The following WDR11 variants were observed in gnomAD, a reference collection of about 807,000 sequenced individuals.
WDR11 encodes WD repeat-containing protein 11.
Under a neutral mutation model 151.2 loss-of-function variants are expected in WDR11, and 83 were observed. That is an observed-to-expected ratio of 0.55 (90% CI 0.46 to 0.66). The LOEUF is 0.66. WDR11 is among the 30% of genes least tolerant of loss of function. The pLI, the probability that WDR11 is intolerant of heterozygous loss-of-function variation, is 0.00. For synonymous variants in WDR11, 484 were observed against 533.1 expected (o/e 0.91, Z 1.27); for missense variants, 1,301 against 1,480.9 (o/e 0.88, Z 1.99).
chr10:120,868,738 C>T (rs1311953924), intron 9 of WDR11: 1 of 152,202 alleles, frequency 6.6e-6, no homozygotes, highest in Non-Finnish European at 1.5e-5. Flanking sequence ...GCCTCCAGTC[C>T]TGACAGCTCC....
At chr10:120,901,585 A>C (rs1847817888) in intron 21 of WDR11, among the ~76,000 whole-genome samples, 1 of 151,862 alleles carries the variant, frequency 6.6e-6, no homozygotes, top group African/African-American at 2.4e-5. Flanking sequence ...TAAGAAAGGA[A>C]AAAATATGGG....
At chr10:120,871,432 T>G (rs1846537225) in intron 10 of WDR11, 86 bp downstream of exon 10, 11 of 1,387,496 alleles carry the variant, frequency 7.9e-6, no homozygotes, top group African/African-American at 1.5e-5. Flanking sequence ...CTTTATTCTT[T>G]TTGAGGATGC....
chr10:120,904,009 T>C lies in WDR11; in HGVS notation c.2932-38T>C, dbSNP rs538046414. On this transcript the variant is annotated intron_variant, in intron 23 of 28. Transcript: ENST00000263461. ...AAATTTAAATAATTCCAAACTCTTA[T>C]AATCCAGGCTTAATTTTTCTTTTTT... 9 of 1,366,856 alleles carry C rather than the reference T, an allele frequency of 6.6e-6. No individual in the cohort carries two copies. The African/African-American group carries it at 7.2e-5, about 11-fold the overall frequency. The allele number at this position is 1,366,856 out of a possible 1,614,324, so 84.7% of individuals were successfully genotyped here. A position where few individuals can be genotyped will look rare whatever the true frequency, so the allele number is the denominator to read the frequency against.
At chr10:120,855,670 G>T (rs1029711676) in intron 2 of WDR11, among the ~76,000 whole-genome samples, 1 of 151,976 alleles carries the variant, frequency 6.6e-6, no homozygotes, top group Non-Finnish European at 1.5e-5. Context: ...TATATATGAT[G>T]TGAAATAGGG....
rs762823128 is a variant in WDR11 at position 120,873,864 on chromosome 10, G to A, written c.1497G>A (p.Val499=). The A allele has an allele frequency of 3.5e-5, 56 of 1,613,166 alleles. No individual in the cohort carries two copies. The highest frequency in any genetic ancestry group is 1.0e-4 in the Admixed American group (6 of 59,998). ...GTACAAGTAATGGTTCTGTCCTGGT[G>A]TACCATCTCACCAGTGGTCTGCTAC... ...AVGTSNGSVL[V]YHLTSGLLHK... is the part of the protein sequence containing the mutation. Residue 499 remains valine (V), a synonymous_variant, in exon 11 of 29, where the codon GTG becomes GTA. Coordinates refer to ENST00000263461, the MANE Select transcript of WDR11 (RefSeq NM_018117.12).
rs1847180394 is a variant in WDR11, at chr10:120,885,296, C to CAA, written c.1849-517_1849-516insAA. ...GTATATATATATATATACACACACA[C>CAA]ACACACACACACACATATAAACACA... On this transcript the variant is annotated intron_variant, in intron 14 of 28. Transcript: ENST00000263461. 2.6e-5 allele frequency among the ~76,000 whole-genome samples: 4 copies of CAA among 151,992 alleles called. No homozygotes were observed. In the South Asian group the frequency reaches 8.3e-4, roughly 32 times the overall value.
At chr10:120,878,763 C>G (rs1266082646) in intron 12 of WDR11, among the ~76,000 whole-genome samples, 1 of 151,972 alleles carries the variant, frequency 6.6e-6, no homozygotes, top group African/African-American at 2.4e-5. Flanking sequence ...TTTAAAAGAT[C>G]GATTTAAAAA....
Position 120,862,790 on chromosome 10 carries a change from C to T in WDR11, c.582C>T (p.Pro194=). Residue 194 remains proline, a synonymous_variant, in exon 5 of 29, where the codon CCC becomes CCT. Coordinates refer to ENST00000263461, the MANE Select transcript of WDR11 (RefSeq NM_018117.12). ...FISDFSPSKP[P]SGPGKKVYIS... ...CAGACTTCTCCCCATCCAAGCCTCCCTCAGGCCCTGGGAAAAAAGTTTACA... is the reference window on the plus strand; with the variant it reads ...CAGACTTCTCCCCATCCAAGCCTCCTTCAGGCCCTGGGAAAAAAGTTTACA... The T allele has an allele frequency of 6.2e-7, 1 of 1,614,140 alleles. No homozygotes were observed. The highest frequency in any genetic ancestry group is 1.7e-5 in the Admixed American group (1 of 60,028).
Position 120,886,764 on chromosome 10 carries a change from T to C in WDR11, c.2049T>C (p.Asp683=). The C allele has an allele frequency of 1.9e-6, 3 of 1,614,076 alleles. No individual in the cohort carries two copies. Among genetic ancestry groups the C allele is most frequent in the Non-Finnish European group, 2.5e-6 (3 of 1,179,986 alleles). The change falls in exon 16 of 29, where the codon GAT becomes GAC. Residue 683 remains aspartate (D), a synonymous_variant. Transcript: ENST00000263461. ...CCCGGGAACATTTTGTATTTACCGA[T>C]ATTGATGGCCAAGTGTATCATCTCA... ...ISAREHFVFT[D]IDGQVYHLTV...
chr10:120,872,090 A>G (rs888993671), intron 10 of WDR11, among the ~76,000 whole-genome samples: 1 of 152,184 alleles, frequency 6.6e-6, no homozygotes, highest in South Asian at 2.1e-4. Flanking sequence ...TTTCTCCCCC[A>G]GTCTATTAAC....
At chr10:120,894,054 C>T (rs1847519069) in intron 19 of WDR11, among the ~76,000 whole-genome samples, 2 of 151,430 alleles carry the variant, frequency 1.3e-5, no homozygotes, top group Admixed American at 6.6e-5. Flanking sequence ...CTTTTGTTGC[C>T]ATTGCTTTTG....
chr10:120,892,389 T>C (rs1385065478), intron 19 of WDR11, among the ~76,000 whole-genome samples: 2 of 152,220 alleles, frequency 1.3e-5, no homozygotes, highest in Non-Finnish European at 2.9e-5. Flanking sequence ...CATGCAATTG[T>C]GTATTCATTC....
At chr10:120,908,418 T>C (rs1446976413) in intron 28 of WDR11, 138 bp from the exon 29 acceptor site, 10 of 869,076 alleles carry the variant, frequency 1.2e-5, no homozygotes, top group Non-Finnish European at 1.3e-5. Flanking sequence ...GTGTTCATCC[T>C]GTGCTGCCCG....
intron 2 of WDR11, chr10:120,856,250 A>C (rs1486229595): frequency 1.3e-5 from 2 of 152,132 alleles, no homozygotes; most frequent in African/African-American, 4.8e-5. Flanking sequence ...TTCTGGGTTT[A>C]TAATTTTTTT....
chr10:120,904,822 C>T lies in WDR11; in HGVS notation c.3193+11C>T. On this transcript the variant is annotated intron_variant, in intron 25 of 28. Coordinates refer to ENST00000263461, the MANE Select transcript of WDR11 (RefSeq NM_018117.12). ...ATGGCAAATTGGCAGGTAAGGCACA[C>T]TTGATATGTTTGTCATCTCTCTGAA... 1 of 1,614,130 alleles carries T rather than the reference C, an allele frequency of 6.2e-7. No individual in the cohort carries two copies. The highest frequency in any genetic ancestry group is 1.1e-5 in the South Asian group (1 of 91,084).
rs758304903 is a variant in WDR11 at position 120,883,899 on chromosome 10, A to T, written c.1848+11A>T. On this transcript the variant is annotated intron_variant, in intron 14 of 28. Transcript: ENST00000263461. Reference sequence around the variant, plus strand: ...ACAATAACTGCTTTGGTAAGTTACAATTTAAGAATTTAATAGCTTATTTAG... The same window carrying T: ...ACAATAACTGCTTTGGTAAGTTACATTTTAAGAATTTAATAGCTTATTTAG... The T allele has an allele frequency of 4.4e-6, 7 of 1,593,540 alleles. No homozygotes were observed. The African/African-American group carries it at 8.1e-5, about 18-fold the overall frequency.
rs766073172 is a variant in WDR11, at chr10:120,858,646, A to G, written c.202A>G (p.Lys68Glu). Residue 68 changes from lysine to glutamate, a missense_variant, in exon 3 of 29, where the codon AAA becomes GAA. This residue lies in a region of WDR11 where 692 missense variants were observed against 762.5 expected (regional missense o/e 0.91). Coordinates refer to ENST00000263461, the MANE Select transcript of WDR11 (RefSeq NM_018117.12). The stretch of plus-strand genomic sequence containing the variant: ...ATCTGATTTCTTCTTGATACAGGTT[A>G]AATGGGCCAGGGAAAACTATCACCA... ...EKHKADVVKV[K>E]WARENYHHNI... 6.2e-7 allele frequency: 1 copy of G among 1,614,116 alleles called. No homozygotes were observed.
chr10:120,875,009 G>T (rs771799245), intron 11 of WDR11, among the ~76,000 whole-genome samples: 3 of 150,066 alleles, frequency 2.0e-5, no homozygotes, highest in East Asian at 4.0e-4. Flanking sequence ...TGTTCCTCTC[G>T]CTGTGTCTAT....
At chr10:120,897,918 CCAAT>C (rs1200280805) in intron 19 of WDR11, among the ~76,000 whole-genome samples, 1 of 152,076 alleles carries the variant, frequency 6.6e-6, no homozygotes, top group African/African-American at 2.4e-5. Context: ...AAAAATATTT[CCAAT>C]CACTTTCTGG....
Sources: gnomAD v4.1 joint callset for allele counts (sites outside exome capture counted in the v4.1 genomes callset) on GRCh38, gnomAD v4.1.1 for gene constraint, gnomAD v4.1.1 regional missense constraint, MANE v1.5 for transcripts, NCBI Gene and HGNC (gene_info 2026-07-23, HGNC 2026-07-21) for gene names.